NOX4: variants seen among roughly 807,000 people sequenced by gnomAD.
The protein encoded by NOX4 is NADPH oxidase 4.
NOX4 carries 69 observed loss-of-function variants against 87.6 expected under a neutral mutation model. That is an observed-to-expected ratio of 0.79 (90% confidence interval 0.65 to 0.96). The LOEUF is 0.96. NOX4 is among the 40% of genes least tolerant of loss of function. The probability of loss-of-function intolerance (pLI) is 0.00; values close to 1 mark genes in which losing one functional copy is unlikely to be tolerated. For synonymous variants in NOX4, 275 were observed against 238.2 expected, an observed-to-expected ratio of 1.15 and a Z score of -1.42; for missense variants, 680 against 681.5, an observed-to-expected ratio of 1.00 and a Z score of 0.02.
chr11:89,423,995 A>G (rs1943230415), intron 7 of NOX4, among the ~76,000 whole-genome samples: 1 of 152,054 alleles, frequency 6.6e-6, no homozygotes, highest in Admixed American at 6.6e-5. Context: ...TGAGCCTGGG[A>G]GGTCAAGGTT....
chr11:89,495,942 A>G (rs1436217739), upstream of NOX4, among the ~76,000 whole-genome samples: 1 of 152,200 alleles, frequency 6.6e-6, no homozygotes, highest in Non-Finnish European at 1.5e-5. Flanking sequence ...GAACCTAGGA[A>G]AGCTCCATCC....
At chr11:89,518,715 G>C in the NOX4 span, among the ~76,000 whole-genome samples, 21 of 152,016 alleles carry the variant, frequency 1.4e-4, no homozygotes, top group African/African-American at 5.1e-4. Flanking sequence ...AAAGTTGTAT[G>C]GTATAATAAA....
intron 2 of NOX4, among the ~76,000 whole-genome samples, chr11:89,455,053 A>G (rs573780462): frequency 6.6e-6 from 1 of 152,240 alleles, no homozygotes; most frequent in African/African-American, 2.4e-5. Context: ...CTACTCCAAT[A>G]GCTCCTATAG....
chr11:89,508,787 A>C, the NOX4 span, among the ~76,000 whole-genome samples: 1 of 152,028 alleles, frequency 6.6e-6, no homozygotes, highest in Non-Finnish European at 1.5e-5. Context: ...AATTAACCCC[A>C]TTTTGCAGAC....
the NOX4 span, among the ~76,000 whole-genome samples, chr11:89,537,049 G>A: frequency 1.3e-5 from 2 of 152,148 alleles, no homozygotes; most frequent in African/African-American, 4.8e-5. Flanking sequence ...AAAGTAAGCT[G>A]CACTGGTGTG....
intron 17 of NOX4, among the ~76,000 whole-genome samples, chr11:89,333,202 A>G (rs962211972): frequency 6.6e-6 from 1 of 151,830 alleles, no homozygotes; most frequent in African/African-American, 2.4e-5. Context: ...TTGAGGTACA[A>G]TTATACAGAA....
the NOX4 span, among the ~76,000 whole-genome samples, chr11:89,553,801 T>C: frequency 6.6e-6 from 1 of 151,982 alleles, no homozygotes; most frequent in Admixed American, 6.6e-5. Flanking sequence ...CACCATTTTA[T>C]CTTTACCAGA....
chr11:89,401,004 G>A (rs1941817462), intron 9 of NOX4, among the ~76,000 whole-genome samples: 1 of 151,936 alleles, frequency 6.6e-6, no homozygotes. Context: ...GTGTTGCATG[G>A]TTAGCCCTGA....
chr11:89,432,905 A>T, intron 6 of NOX4, 49 bp from the exon 7 acceptor site: 1 of 1,213,832 alleles, frequency 8.2e-7, no homozygotes, highest in Non-Finnish European at 1.2e-6. Context: ...TAGTGAGAAA[A>T]AAATACAAAA....
chr11:89,447,365 G>T (rs1418312308), intron 4 of NOX4, among the ~76,000 whole-genome samples: 1 of 152,068 alleles, frequency 6.6e-6, no homozygotes, highest in Admixed American at 6.6e-5. Context: ...AAAAAAATTT[G>T]TAGGTAACAG....
intron 6 of NOX4, among the ~76,000 whole-genome samples, chr11:89,438,790 GTGTATAA>G (rs1944255064): frequency 2.0e-4 from 1 of 5,040 alleles, no homozygotes; most frequent in African/African-American, 7.8e-4. Context: ...ATAATATATA[GTGTATAA>G]TATATTATAT....
At chr11:89,404,526 A>C (rs754560422) in intron 8 of NOX4, among the ~76,000 whole-genome samples, 2 of 152,190 alleles carry the variant, frequency 1.3e-5, no homozygotes, top group African/African-American at 4.8e-5. Flanking sequence ...TATGGAAAAC[A>C]CCAGGTCTAG....
the NOX4 span, among the ~76,000 whole-genome samples, chr11:89,526,622 G>A: frequency 3.3e-5 from 5 of 152,246 alleles, no homozygotes; most frequent in Admixed American, 6.5e-5. Context: ...ATGATAGTGG[G>A]TGAGTTCTCA....
At chr11:89,413,247 A>C (rs1942578755) in intron 8 of NOX4, among the ~76,000 whole-genome samples, 1 of 152,126 alleles carries the variant, frequency 6.6e-6, no homozygotes, top group Admixed American at 6.6e-5. Flanking sequence ...AGTTAGCATA[A>C]CCCTTATGGG....
the NOX4 span, among the ~76,000 whole-genome samples, chr11:89,528,781 A>C: frequency 6.6e-6 from 1 of 152,214 alleles, no homozygotes; most frequent in Non-Finnish European, 1.5e-5. Context: ...TCTTTATAGC[A>C]GGATGAAATT....
intron 6 of NOX4, among the ~76,000 whole-genome samples, chr11:89,437,173 C>T (rs1944119157): frequency 6.6e-6 from 1 of 151,768 alleles, no homozygotes; most frequent in Non-Finnish European, 1.5e-5. Context: ...CCAGCCTGGC[C>T]AACATAGTGA....
the NOX4 span, among the ~76,000 whole-genome samples, chr11:89,561,015 T>TATATAC: frequency 0.032 from 2,594 of 80,016 alleles, 90 homozygotes; most frequent in Non-Finnish European, 0.04. Flanking sequence ...TATATATATA[T>TATATAC]ATATACATAC....
At chr11:89,397,812 G>A (rs1229311001) in intron 11 of NOX4, among the ~76,000 whole-genome samples, 2 of 151,940 alleles carry the variant, frequency 1.3e-5, no homozygotes, top group African/African-American at 4.8e-5. Flanking sequence ...CTGAAATTGA[G>A]GCAGTAATTA....
chr11:89,446,233 G>C (rs1944696728), intron 4 of NOX4, among the ~76,000 whole-genome samples: 2 of 152,100 alleles, frequency 1.3e-5, no homozygotes, highest in Non-Finnish European at 2.9e-5. Flanking sequence ...AGATTGCACA[G>C]CAACAGAAAC....
Sources: allele counts gnomAD v4.1 joint callset (sites outside exome capture counted in the v4.1 genomes callset), GRCh38; gene constraint gnomAD v4.1.1; transcripts MANE v1.5; gene names NCBI Gene and HGNC (gene_info 2026-07-23, HGNC 2026-07-21).